VAV3: variants seen among roughly 807,000 people sequenced by gnomAD.
VAV3 encodes the protein guanine nucleotide exchange factor VAV3.
VAV3 carries 94 observed loss-of-function variants against 131.2 expected under a neutral mutation model. The ratio of observed to expected loss-of-function variants is 0.72; its 90% CI spans 0.61 to 0.85. VAV3 has a LOEUF of 0.85. VAV3 is among the 40% of genes least tolerant of loss of function. The probability of loss-of-function intolerance (pLI) is 0.00; values close to 1 mark genes in which losing one functional copy is unlikely to be tolerated. For missense variants in VAV3, 939 were observed against 1,002.7 expected (o/e 0.94, Z 0.86); for synonymous variants, 349 against 342.0 (o/e 1.02, Z -0.22).
chr1:107,922,963 AG>A (rs1436514257), intron 1 of VAV3, among the ~76,000 whole-genome samples: 3,417 of 81,786 alleles, frequency 0.042, 53 homozygotes, highest in East Asian at 0.19. Context: ...AAAAAAAAAA[AG>A]AAAAAAAAAA....
intron 17 of VAV3, among the ~76,000 whole-genome samples, chr1:107,696,875 C>A (rs1659778973): frequency 6.6e-6 from 1 of 152,196 alleles, no homozygotes; most frequent in East Asian, 1.9e-4. Flanking sequence ...CCTACACCAG[C>A]ATTTCCTCCA....
chr1:107,837,202 C>T lies in VAV3; in HGVS notation c.321+37699G>A, dbSNP rs1050207718. Among the ~76,000 whole-genome samples, 6 of 152,242 alleles carry T rather than the reference C, an allele frequency of 3.9e-5. No individual in the cohort carries two copies. In the East Asian group the frequency reaches 5.8e-4, roughly 15 times the overall value. On this transcript the variant is annotated intron_variant, in intron 2 of 26. Transcript: ENST00000370056. ...TACTAGCAAACCAACTCTAGAAGCA[C>T]ATCAAAAAGTTAGTTTACCATGATG...
chr1:107,923,418 G>C (rs1045226179), intron 1 of VAV3, among the ~76,000 whole-genome samples: 1 of 152,096 alleles, frequency 6.6e-6, no homozygotes, highest in East Asian at 1.9e-4. Context: ...TAGGTCATAC[G>C]AACAGAGCCT....
chr1:107,930,630 AT>A (rs1557931056), intron 1 of VAV3, among the ~76,000 whole-genome samples: 2 of 152,184 alleles, frequency 1.3e-5, no homozygotes, highest in Non-Finnish European at 2.9e-5. Flanking sequence ...AACTAATGAC[AT>A]TTTTTTAACC....
intron 1 of VAV3, among the ~76,000 whole-genome samples, chr1:107,908,873 AC>A (rs1422236658): frequency 9.2e-5 from 13 of 140,736 alleles, no homozygotes; most frequent in African/African-American, 3.4e-4. Context: ...ACACACACAC[AC>A]AATATAAAAC....
At chr1:107,795,546 G>T (rs1188866014) in intron 2 of VAV3, among the ~76,000 whole-genome samples, 1 of 152,002 alleles carries the variant, frequency 6.6e-6, no homozygotes, top group East Asian at 1.9e-4. Flanking sequence ...GAAAAAAAAT[G>T]AATGCCCTGT....
In VAV3 at chr1:107,852,771, A is replaced by G. The variant is rs948257854; in HGVS notation, c.321+22130T>C. 5.9e-5 allele frequency among the ~76,000 whole-genome samples: 9 copies of G among 152,310 alleles called. No homozygotes were observed. The South Asian group carries it at 1.9e-3, about 32-fold the overall frequency. On this transcript the variant is annotated intron_variant, in intron 2 of 26. Coordinates refer to ENST00000370056, the MANE Select transcript of VAV3 (RefSeq NM_006113.5). The stretch of plus-strand genomic sequence containing the variant: ...TTAATGTCTTAAAAGTATATTTACT[A>G]GGTCAAAGACCATAAACAATTTTAA...
At chr1:107,668,088 T>C (rs962041072) in intron 19 of VAV3, among the ~76,000 whole-genome samples, 22 of 152,180 alleles carry the variant, frequency 1.4e-4, no homozygotes, top group African/African-American at 5.3e-4. Context: ...CTCCTTTCAT[T>C]TGATATTGAC....
rs1241292652 is a variant in VAV3 at position 107,790,642 on chromosome 1, T to A, written c.322-11150A>T. 2.6e-5 allele frequency among the ~76,000 whole-genome samples: 4 copies of A among 151,514 alleles called. No homozygotes were observed. The East Asian group carries it at 7.7e-4, about 29-fold the overall frequency. On this transcript the variant is annotated intron_variant, in intron 2 of 26. Transcript: ENST00000370056. ...TTTTCATACAAAAGTACAAATGTTT[T>A]CCAGTGTCTTACATCACTCCTTCCT... is the stretch of plus-strand genomic sequence containing the variant.
At position 107,964,794 on chromosome 1, in the gene VAV3, C is replaced by T. The variant is rs367976864; in HGVS notation, c.76G>A (p.Asp26Asn). ...GCAAGGTCGAACACCTGAGCCGAGT[C>T]CCAGGTCACCCGGTGGTTGGTGGGC... The part of the protein sequence containing the change: ...VLPTNHRVTW[D>N]SAQVFDLAQT... The change falls in exon 1 of 27, where the codon GAC becomes AAC. Residue 26 changes from aspartate to asparagine, a missense_variant. Coordinates refer to ENST00000370056, the MANE Select transcript of VAV3 (RefSeq NM_006113.5). 4 of 1,613,864 alleles carry T rather than the reference C, an allele frequency of 2.5e-6. No individual in the cohort carries two copies. Among genetic ancestry groups the T allele is most frequent in the Non-Finnish European group, 2.5e-6 (3 of 1,179,982 alleles).
At chr1:107,672,657 C>T (rs1414363582) in intron 19 of VAV3, among the ~76,000 whole-genome samples, 3 of 151,902 alleles carry the variant, frequency 2.0e-5, no homozygotes, top group Admixed American at 2.0e-4. Context: ...CACACACACA[C>T]ATATATTCTT....
At chr1:107,958,630 T>A (rs796191207) in intron 1 of VAV3, among the ~76,000 whole-genome samples, 3 of 71,732 alleles carry the variant, frequency 4.2e-5, no homozygotes, top group East Asian at 6.2e-4. Context: ...TTTTACTTAT[T>A]TTTTTTTATC....
intron 1 of VAV3, among the ~76,000 whole-genome samples, chr1:107,958,792 G>A (rs1181540826): frequency 7.9e-5 from 12 of 151,806 alleles, no homozygotes; most frequent in African/African-American, 1.5e-4. Flanking sequence ...TCCAACCCCC[G>A]ACAGGCCCCG....
chr1:107,719,626 T>C (rs1661359385), intron 15 of VAV3, among the ~76,000 whole-genome samples: 1 of 152,200 alleles, frequency 6.6e-6, no homozygotes, highest in African/African-American at 2.4e-5. Context: ...GTAAACTACT[T>C]CAACCATTGT....
At chr1:107,668,174 C>T (rs544164306) in intron 19 of VAV3, among the ~76,000 whole-genome samples, 47 of 152,306 alleles carry the variant, frequency 3.1e-4, no homozygotes, top group African/African-American at 1.1e-3. Flanking sequence ...CTTCCTCCCT[C>T]CATTGAGCAT....
At chr1:107,596,439 T>TCC (rs1286481034) in intron 24 of VAV3, 98 bp from the exon 25 acceptor site, 2 of 1,340,820 alleles carry the variant, frequency 1.5e-6, no homozygotes, top group African/African-American at 1.5e-5. Flanking sequence ...ATGACCAATT[T>TCC]AATGCTAAAT....
Position 107,770,681 on chromosome 1 carries a change from C to T in VAV3, c.603G>A (p.Lys201=). The T allele has an allele frequency of 6.2e-7, 1 of 1,612,230 alleles. No individual in the cohort carries two copies. Among genetic ancestry groups the T allele is most frequent in the Non-Finnish European group, 8.5e-7 (1 of 1,179,258 alleles). The change falls in exon 6 of 27, where the codon AAG becomes AAA. Residue 201 remains lysine (K), a synonymous_variant. Transcript: ENST00000370056. The stretch of plus-strand genomic sequence containing the variant: ...TTTCTGTATATTTTTCTTCTGTCTG[C>T]TTAATTTCTGCTAGACAACAACTTC... ...DIRSCCLAEI[K]QTEEKYTETL...
At chr1:107,736,058 C>A (rs1316924863) in intron 15 of VAV3, among the ~76,000 whole-genome samples, 2 of 152,040 alleles carry the variant, frequency 1.3e-5, no homozygotes, top group Non-Finnish European at 2.9e-5. Context: ...TCAACATATG[C>A]AAATGAATAA....
In VAV3 at chr1:107,804,768, T is replaced by TA. The variant is rs200357683; in HGVS notation, c.322-25277_322-25276insT. ...TACTTTCAAATATTTTTGGTTTTTT[T>TA]TGTTTGTTTGTTTTGCACATTAATC... On this transcript the variant is annotated intron_variant, in intron 2 of 26. Coordinates refer to ENST00000370056, the MANE Select transcript of VAV3 (RefSeq NM_006113.5). 2.6e-5 allele frequency among the ~76,000 whole-genome samples: 4 copies of TA among 152,236 alleles called. No homozygotes were observed. In the East Asian group the frequency reaches 7.7e-4, roughly 29 times the overall value.
Sources: gnomAD v4.1 joint callset for allele counts (sites outside exome capture counted in the v4.1 genomes callset) on GRCh38, gnomAD v4.1.1 for gene constraint, MANE v1.5 for transcripts, NCBI Gene and HGNC (gene_info 2026-07-23, HGNC 2026-07-21) for gene names.